Variants in TUSC3 observed in about 807,000 individuals in gnomAD.
TUSC3 encodes the protein dolichyl-diphosphooligosaccharide--protein glycosyltransferase subunit TUSC3.
In TUSC3, 45 loss-of-function variants were observed where a neutral mutation model predicts 44.8. The ratio of observed to expected loss-of-function variants is 1.00; its 90% CI spans 0.79 to 1.29. The LOEUF (loss-of-function observed/expected upper bound fraction) is 1.29. Ranked by LOEUF, TUSC3 falls within the 50% of genes most tolerant of loss-of-function variation. The pLI, the probability that TUSC3 is intolerant of heterozygous loss-of-function variation, is 0.00. For missense variants in TUSC3, 519 were observed against 437.9 expected (o/e 1.19, Z -1.65); for synonymous variants, 212 against 152.9 (o/e 1.39, Z -2.85).
intron 1 of TUSC3, among the ~76,000 whole-genome samples, chr8:15,602,917 TA>T (rs1171491051): frequency 1.3e-5 from 2 of 151,678 alleles, no homozygotes; most frequent in Admixed American, 1.3e-4. Flanking sequence ...AAAACCTAAG[TA>T]TTAATAACAC....
At chr8:15,639,193 C>T (rs1242631730) in intron 2 of TUSC3, among the ~76,000 whole-genome samples, 1 of 150,994 alleles carries the variant, frequency 6.6e-6, no homozygotes, top group Non-Finnish European at 1.5e-5. Flanking sequence ...TTCAGGGCTT[C>T]AGTGATGATG....
intron 4 of TUSC3, among the ~76,000 whole-genome samples, chr8:15,660,704 CTT>C (rs1184589747): frequency 1.3e-5 from 2 of 151,682 alleles, no homozygotes; most frequent in African/African-American, 4.8e-5. Flanking sequence ...GGTGACTAAA[CTT>C]ATTTCCTAAT....
intron 1 of TUSC3, among the ~76,000 whole-genome samples, chr8:15,583,291 C>CT (rs1380022162): frequency 6.6e-6 from 1 of 152,092 alleles, no homozygotes; most frequent in African/African-American, 2.4e-5. Context: ...ATGTTCAATT[C>CT]TTTTTTGGTT....
intron 1 of TUSC3, among the ~76,000 whole-genome samples, chr8:15,459,008 C>T (rs1431537088): frequency 6.6e-6 from 1 of 152,092 alleles, no homozygotes; most frequent in Admixed American, 6.6e-5. Flanking sequence ...TATTAAAGAC[C>T]TGTTGAGATA....
intron 3 of TUSC3, among the ~76,000 whole-genome samples, chr8:15,652,112 T>C (rs1460244904): frequency 6.6e-6 from 1 of 152,226 alleles, no homozygotes; most frequent in East Asian, 1.9e-4. Flanking sequence ...ATTATTATTT[T>C]TTAAAATGTT....
At chr8:15,672,904 A>G (rs1032555148) in intron 5 of TUSC3, among the ~76,000 whole-genome samples, 4 of 152,080 alleles carry the variant, frequency 2.6e-5, no homozygotes, top group African/African-American at 9.7e-5. Flanking sequence ...TGCCTATCAG[A>G]GCCAGGAAGC....
intron 2 of TUSC3, among the ~76,000 whole-genome samples, chr8:15,627,659 G>A (rs1034218877): frequency 5.3e-5 from 8 of 152,180 alleles, no homozygotes; most frequent in African/African-American, 7.2e-5. Flanking sequence ...CCAAGCTTCC[G>A]GTGCCACTGC....
rs1378114268 is a variant in TUSC3 at position 15,547,987 on chromosome 8, T to A, written c.138+7419T>A. The stretch of plus-strand genomic sequence containing the variant: ...TTATTTTTAACTTTATTTTATTTTT[T>A]ATTTATTTTTAATTGTTTTTTCTTC... On this transcript the variant is annotated intron_variant, in intron 1 of 10. Coordinates refer to ENST00000503731, the MANE Select transcript of TUSC3 (RefSeq NM_006765.4). 1.3e-5 allele frequency among the ~76,000 whole-genome samples: 2 copies of A among 151,738 alleles called. 1 individual carries two copies. The highest frequency in any genetic ancestry group is 2.9e-5 in the Non-Finnish European group (2 of 67,900).
the TUSC3 span, among the ~76,000 whole-genome samples, chr8:15,819,555 G>C: frequency 6.6e-6 from 1 of 152,064 alleles, no homozygotes; most frequent in Non-Finnish European, 1.5e-5. Flanking sequence ...CTCACAATCT[G>C]GTGACTCCAT....
intron 1 of TUSC3, among the ~76,000 whole-genome samples, chr8:15,425,768 G>A (rs1315212539): frequency 6.6e-6 from 1 of 152,182 alleles, no homozygotes; most frequent in African/African-American, 2.4e-5. Flanking sequence ...AACCATCCCT[G>A]TGAAAAACAG....
intron 6 of TUSC3, among the ~76,000 whole-genome samples, chr8:15,687,925 G>C (rs967615823): frequency 2.6e-5 from 4 of 152,114 alleles, no homozygotes; most frequent in Non-Finnish European, 5.9e-5. Context: ...ACTGCATAAT[G>C]AGAATGTGTT....
At chr8:15,722,436 C>G (rs1045732426) in intron 6 of TUSC3, among the ~76,000 whole-genome samples, 1 of 151,938 alleles carries the variant, frequency 6.6e-6, no homozygotes, top group African/African-American at 2.4e-5. Context: ...TGGACTGAAT[C>G]TAGTCTCTGG....
At chr8:15,554,218 G>C (rs1207370753) in intron 1 of TUSC3, among the ~76,000 whole-genome samples, 1 of 151,742 alleles carries the variant, frequency 6.6e-6, no homozygotes, top group African/African-American at 2.4e-5. Flanking sequence ...TAAGAATTTT[G>C]TGGGGATACA....
chr8:15,433,059 A>C, intron 1 of TUSC3, among the ~76,000 whole-genome samples: 1 of 152,216 alleles, frequency 6.6e-6, no homozygotes, highest in East Asian at 1.9e-4. Flanking sequence ...AGGGGAATCC[A>C]GTCTCATGAC....
intron 6 of TUSC3, among the ~76,000 whole-genome samples, chr8:15,700,734 T>C (rs146699266): frequency 5.9e-5 from 9 of 152,170 alleles, no homozygotes; most frequent in Middle Eastern, 3.4e-3. Flanking sequence ...AAGAGTGGTG[T>C]TGGGTACCTA....
At chr8:15,821,561 C>G in the TUSC3 span, among the ~76,000 whole-genome samples, 1 of 151,312 alleles carries the variant, frequency 6.6e-6, no homozygotes, top group African/African-American at 2.4e-5. Flanking sequence ...AGATTTCCCC[C>G]TTACTCTCCC....
chr8:15,607,697 T>C (rs1453405873), intron 1 of TUSC3, among the ~76,000 whole-genome samples: 3 of 152,180 alleles, frequency 2.0e-5, no homozygotes, highest in Non-Finnish European at 2.9e-5. Context: ...AATCATTCTG[T>C]CTTTTTAAAT....
At chr8:15,437,112 C>T (rs1799958138) in intron 1 of TUSC3, among the ~76,000 whole-genome samples, 1 of 152,088 alleles carries the variant, frequency 6.6e-6, no homozygotes, top group African/African-American at 2.4e-5. Flanking sequence ...TCTAAAACTG[C>T]AGAGACCTGA....
intron 1 of TUSC3, among the ~76,000 whole-genome samples, chr8:15,593,381 C>T (rs571121456): frequency 7.9e-5 from 12 of 152,204 alleles, no homozygotes; most frequent in African/African-American, 2.6e-4. Context: ...CCACCACACC[C>T]GGTCAGTATA....
Sources: gnomAD v4.1 joint callset for allele counts (sites outside exome capture counted in the v4.1 genomes callset) on GRCh38, gnomAD v4.1.1 for gene constraint, MANE v1.5 for transcripts, NCBI Gene and HGNC (gene_info 2026-07-23, HGNC 2026-07-21) for gene names.